The following SLC6A7 variants were observed in gnomAD, a reference collection of about 807,000 sequenced individuals.
SLC6A7 encodes the protein solute carrier family 6 member 7, also known as sodium-dependent proline transporter.
A neutral mutation model predicts 73.1 loss-of-function variants in SLC6A7; 58 were observed. The observed-to-expected ratio is 0.79, with a 90% CI of 0.64 to 0.99. The LOEUF (loss-of-function observed/expected upper bound fraction) is 0.99, where lower values mean the gene tolerates loss of function less well. Among genes scored for constraint, SLC6A7 ranks in the 50% least tolerant of loss-of-function variants. The pLI, the probability that SLC6A7 is intolerant of heterozygous loss-of-function variation, is 0.00. For missense variants in SLC6A7, 783 were observed against 831.4 expected (o/e 0.94, Z 0.72); for synonymous variants, 338 against 338.7 (o/e 1.00, Z 0.02).
chr5:150,202,499 G>C, intron 7 of SLC6A7, 49 bp downstream of exon 7: 1 of 1,610,692 alleles, frequency 6.2e-7, no homozygotes, highest in Non-Finnish European at 8.5e-7. Context: ...GCAGGGAGGA[G>C]AGTGGCTGGC....
intron 4 of SLC6A7, among the ~76,000 whole-genome samples, chr5:150,198,263 G>T (rs1009778430): frequency 2.0e-5 from 3 of 152,124 alleles, no homozygotes; most frequent in Non-Finnish European, 4.4e-5. Flanking sequence ...TCCCTAGGTG[G>T]GACTGTTGGC....
chr5:150,204,505 G>A, intron 10 of SLC6A7, 27 bp from the exon 11 acceptor site: 1 of 1,548,860 alleles, frequency 6.5e-7, no homozygotes, highest in South Asian at 1.1e-5. Context: ...CCAGGAAGGG[G>A]ACACCAGAAC....
intron 13 of SLC6A7, among the ~76,000 whole-genome samples, chr5:150,208,349 G>A (rs1485193913): frequency 6.6e-6 from 1 of 152,130 alleles, no homozygotes; most frequent in Non-Finnish European, 1.5e-5. Context: ...AAGGCAACAC[G>A]TGCAAAGGCC....
intron 8 of SLC6A7, among the ~76,000 whole-genome samples, 177 bp downstream of exon 8, chr5:150,202,880 G>A (rs1580866431): frequency 1.3e-5 from 2 of 152,338 alleles, no homozygotes; most frequent in East Asian, 3.9e-4. Flanking sequence ...TTCGAGACCA[G>A]CCTGGTCAAC....
intron 9 of SLC6A7, 41 bp downstream of exon 9, chr5:150,203,820 G>GGTGGTGT (rs1554116764): frequency 3.6e-5 from 29 of 802,516 alleles, no homozygotes; most frequent in South Asian, 3.4e-4. Flanking sequence ...GTGTGTGTGT[G>GGTGGTGT]GTGTGTGTGT....
rs1753867260 is a variant in SLC6A7, at chr5:150,209,574, G to T, written c.1870G>T (p.Val624Leu). 6.2e-7 allele frequency: 1 copy of T among 1,613,212 alleles called. No individual in the cohort carries two copies. The stretch of plus-strand genomic sequence containing the variant: ...CAGCTTCGAGAACACGGCCATCGAG[G>T]TGGACCGTGAGATTGCAGAGGAGGA... ...ITSFENTAIE[V>L]DREIAEEEES... Residue 624 changes from valine to leucine, a missense_variant, in exon 14 of 14, where the codon GTG (valine) becomes TTG (leucine). By Grantham distance (32) the Val-to-Leu change is conservative. Coordinates refer to ENST00000230671, the MANE Select transcript of SLC6A7 (RefSeq NM_014228.5).
chr5:150,200,954 GC>G, intron 5 of SLC6A7, 134 bp from the exon 6 acceptor site: 3 of 804,264 alleles, frequency 3.7e-6, no homozygotes, highest in Non-Finnish European at 6.1e-6. Flanking sequence ...GAGGAGGGAA[GC>G]CTCAAGGATG....
chr5:150,194,400 G>A (rs1315579455), intron 1 of SLC6A7, among the ~76,000 whole-genome samples: 3 of 150,872 alleles, frequency 2.0e-5, no homozygotes, highest in African/African-American at 7.3e-5. Context: ...CTGCACTCCA[G>A]GCTGGGCAAC....
At chr5:150,195,474 C>T (rs1272569434) in intron 2 of SLC6A7, among the ~76,000 whole-genome samples, 4 of 152,220 alleles carry the variant, frequency 2.6e-5, no homozygotes, top group Non-Finnish European at 5.9e-5. Context: ...TGAGCGCCTA[C>T]CACCTGTCAG....
intron 5 of SLC6A7, 150 bp from the exon 6 acceptor site, chr5:150,200,939 G>GA: frequency 1.4e-6 from 1 of 716,544 alleles, no homozygotes; most frequent in East Asian, 2.9e-5. Flanking sequence ...CTGGGTGTGT[G>GA]AAGGGAGGAG....
Position 150,199,285 on chromosome 5 carries a change from C to T in SLC6A7, c.642C>T (p.Arg214=). 6.2e-7 allele frequency: 1 copy of T among 1,613,990 alleles called. No homozygotes were observed. The highest frequency in any genetic ancestry group is 2.2e-5 in the East Asian group (1 of 44,872). ...GCATCGGCAGCCCTGGGGAGATCCG[C>T]TGGAACCTCTGCCTCTGCCTGCTGC... ...SQGIGSPGEI[R]WNLCLCLLLA... The change falls in exon 5 of 14, where the codon CGC becomes CGT. Residue 214 remains arginine (R), a synonymous_variant. Coordinates refer to ENST00000230671, the MANE Select transcript of SLC6A7 (RefSeq NM_014228.5).
chr5:150,190,616 C>T (rs1408173992), intron 1 of SLC6A7, among the ~76,000 whole-genome samples: 1 of 152,194 alleles, frequency 6.6e-6, no homozygotes, highest in Non-Finnish European at 1.5e-5. Context: ...GAACAGGTGT[C>T]TGCAGTCCCC....
At chr5:150,198,062 AG>A (rs1753132791) in intron 4 of SLC6A7, among the ~76,000 whole-genome samples, 1 of 76,130 alleles carries the variant, frequency 1.3e-5, no homozygotes, top group South Asian at 4.0e-4. Flanking sequence ...AAAGAAAGAA[AG>A]AAAGAAAGAA....
Position 150,196,771 on chromosome 5 carries a change from C to T in SLC6A7, c.273C>T (p.Phe91=). The T allele has an allele frequency of 6.2e-7, 1 of 1,614,138 alleles. No individual in the cohort carries two copies. Among genetic ancestry groups the T allele is most frequent in the Non-Finnish European group, 8.5e-7 (1 of 1,179,976 alleles). The part of the protein sequence containing the change: ...LMLAICGIPL[F]FLELSLGQFS... The stretch of plus-strand genomic sequence containing the variant: ...TGGCCATCTGTGGCATCCCCCTCTT[C>T]TTCCTGGAGCTCTCCCTGGGCCAGT... Residue 91 remains phenylalanine, a synonymous_variant, in exon 3 of 14, where the codon TTC becomes TTT. Coordinates refer to ENST00000230671, the MANE Select transcript of SLC6A7 (RefSeq NM_014228.5).
rs1253396110 is a variant in SLC6A7, at chr5:150,209,611, T to C, written c.1907T>C (p.Met636Thr). ...REIAEEEESMM is the reference protein window; with the variant it reads ...REIAEEEESMT ...ATTGCAGAGGAGGAGGAGTCGATGA[T>C]GTGAGGCAGGAGGCAGGCGGGCAGA... The change falls in exon 14 of 14, where the codon ATG becomes ACG. Residue 636 changes from methionine to threonine, a missense_variant. Physicochemically the swap from Met to Thr is moderately conservative, Grantham distance 81 (BLOSUM62 -1). Coordinates refer to ENST00000230671, the MANE Select transcript of SLC6A7 (RefSeq NM_014228.5). 4 of 1,598,644 alleles carry C rather than the reference T, an allele frequency of 2.5e-6. No homozygotes were observed. Among genetic ancestry groups the C allele is most frequent in the Non-Finnish European group, 3.4e-6 (4 of 1,172,202 alleles).
chr5:150,196,555 G>C (rs896158458), intron 2 of SLC6A7, among the ~76,000 whole-genome samples, 161 bp from the exon 3 acceptor site: 1 of 152,180 alleles, frequency 6.6e-6, no homozygotes, highest in Admixed American at 6.5e-5. Context: ...AATCCCTGCT[G>C]GCCACTCTGG....
chr5:150,205,535 T>C lies in SLC6A7; in HGVS notation c.1613T>C (p.Leu538Pro). 1 of 1,613,654 alleles carries C rather than the reference T, an allele frequency of 6.2e-7. No homozygotes were observed. The highest frequency in any genetic ancestry group is 8.5e-7 in the Non-Finnish European group (1 of 1,179,756). The change falls in exon 13 of 14, where the codon CTG becomes CCG. Residue 538 changes from leucine to proline, a missense_variant. Physicochemically the swap from Leu to Pro is moderately conservative, Grantham distance 98 (BLOSUM62 -3). Transcript: ENST00000230671. ...SYRFPPWAELLGILMGLLSCL... is the reference protein window; with the variant it reads ...SYRFPPWAELPGILMGLLSCL... ...CGCTTCCCGCCCTGGGCTGAGCTGCTGGGCATCCTGATGGGCCTGCTGTCC... is the reference window on the plus strand; with the variant it reads ...CGCTTCCCGCCCTGGGCTGAGCTGCCGGGCATCCTGATGGGCCTGCTGTCC...
In SLC6A7 at chr5:150,197,685, A is replaced by C. The variant is rs548765179; in HGVS notation, c.584+409A>C. ...TCCTCCTCTGTAACAGGGGTTGGTA[A>C]CAGTACCTGCTTCATAAGGTGTTAT... On this transcript the variant is annotated intron_variant, in intron 4 of 13. Transcript: ENST00000230671. Among the ~76,000 whole-genome samples, 220 of 152,266 alleles carry C rather than the reference A, an allele frequency of 1.4e-3. 1 individual carries two copies. Among genetic ancestry groups the C allele is most frequent in the South Asian group, 5.6e-3 (27 of 4,818 alleles).
chr5:150,205,157 G>T (rs1002712690), intron 12 of SLC6A7, among the ~76,000 whole-genome samples: 1 of 152,238 alleles, frequency 6.6e-6, no homozygotes, highest in Non-Finnish European at 1.5e-5. Flanking sequence ...AGGCCCCAGG[G>T]CCTCAGGATT....
Sources: allele counts gnomAD v4.1 joint callset (sites outside exome capture counted in the v4.1 genomes callset), GRCh38; gene constraint gnomAD v4.1.1; transcripts MANE v1.5; gene names NCBI Gene and HGNC (gene_info 2026-07-23, HGNC 2026-07-21).